Variants in PTGES3 observed in about 807,000 individuals in gnomAD.
The protein encoded by PTGES3 is prostaglandin E synthase 3, also known as Hsp90 co-chaperone.
In PTGES3, 5 loss-of-function variants were observed where a neutral mutation model predicts 29.9. The ratio of observed to expected loss-of-function variants is 0.17; its 90% confidence interval spans 0.09 to 0.35. The LOEUF (loss-of-function observed/expected upper bound fraction) is 0.35. Among genes scored for constraint, PTGES3 ranks in the 10% least tolerant of loss-of-function variants. The pLI is 1.00. For synonymous variants in PTGES3, 49 were observed against 57.8 expected, an observed-to-expected ratio of 0.85 and a Z score of 0.69; for missense variants, 128 against 190.0, an observed-to-expected ratio of 0.67 and a Z score of 1.92.
At chr12:56,674,716 C>T (rs1169001213) in intron 1 of PTGES3, among the ~76,000 whole-genome samples, 1 of 148,318 alleles carries the variant, frequency 6.7e-6, no homozygotes, top group African/African-American at 2.5e-5. Context: ...GTCCCAGCTA[C>T]TCGGGAGGCT....
chr12:56,675,521 CAAAAAAAA>C (rs58270146), intron 1 of PTGES3, among the ~76,000 whole-genome samples: 2 of 92,054 alleles, frequency 2.2e-5, no homozygotes, highest in African/African-American at 3.4e-5. Context: ...AGAATGAGAC[CAAAAAAAA>C]AAAAAAAAAA....
intron 5 of PTGES3, among the ~76,000 whole-genome samples, chr12:56,669,417 G>C (rs1166746416): frequency 6.6e-6 from 1 of 152,192 alleles, no homozygotes; most frequent in East Asian, 1.9e-4. Flanking sequence ...CTGAGTAGCT[G>C]AGATTACAGG....
chr12:56,665,831 T>A, intron 6 of PTGES3: 2 of 768,952 alleles, frequency 2.6e-6, no homozygotes, highest in Non-Finnish European at 3.2e-6. Context: ...GGTTTCACCA[T>A]GTTGGCCAGG....
intron 1 of PTGES3, among the ~76,000 whole-genome samples, chr12:56,674,686 CATG>C (rs1028416638): frequency 1.3e-5 from 2 of 151,508 alleles, no homozygotes. Flanking sequence ...ATTAGCCAGG[CATG>C]GTGGTAGGCG....
intron 1 of PTGES3, among the ~76,000 whole-genome samples, chr12:56,675,178 T>TA (rs1235798801): frequency 6.6e-6 from 1 of 151,778 alleles, no homozygotes; most frequent in South Asian, 2.1e-4. Flanking sequence ...CACGTACCTG[T>TA]AGTCCCAGCT....
rs1952981451 is a variant in PTGES3 at position 56,688,221 on chromosome 12, G to A, written c.-222C>T. ...TCCTCCGGTCGGGGAGAAGAGGAAA[G>A]TGTAGGAAAAGGGGCGCGAGGACGG... is the stretch of plus-strand genomic sequence containing the variant. On this transcript the variant is annotated 5_prime_UTR_variant, in exon 1 of 8. Coordinates refer to ENST00000262033, the MANE Select transcript of PTGES3 (RefSeq NM_006601.7). 3 of 791,866 alleles carry A rather than the reference G, an allele frequency of 3.8e-6. No homozygotes were observed. The highest frequency in any genetic ancestry group is 2.5e-5 in the South Asian group (1 of 39,934). 49.1% of individuals were successfully genotyped at this position (791,866 alleles called of 1,614,324 possible).
chr12:56,670,527 T>C (rs1469098817), intron 4 of PTGES3, 163 bp from the exon 5 acceptor site: 18 of 594,374 alleles, frequency 3.0e-5, no homozygotes, highest in Non-Finnish European at 4.8e-5. Context: ...TTGATCAATA[T>C]GTGAGTTTTG....
intron 1 of PTGES3, among the ~76,000 whole-genome samples, chr12:56,673,331 C>A (rs777939849): frequency 6.6e-6 from 1 of 151,840 alleles, no homozygotes; most frequent in South Asian, 2.1e-4. Context: ...CTAGTCCTAT[C>A]AAAAATTATG....
intron 4 of PTGES3, 53 bp from the exon 5 acceptor site, chr12:56,670,417 T>A: frequency 4.5e-6 from 6 of 1,334,178 alleles, no homozygotes; most frequent in Non-Finnish European, 6.5e-6. Flanking sequence ...GCATTTGGCA[T>A]GAACCTTAAG....
intron 4 of PTGES3, among the ~76,000 whole-genome samples, chr12:56,671,402 G>GA (rs1302123061): frequency 2.0e-5 from 3 of 151,490 alleles, no homozygotes; most frequent in African/African-American, 7.3e-5. Flanking sequence ...CTGTTTTGGG[G>GA]GAAAAAAAAC....
chr12:56,673,096 C>A, intron 1 of PTGES3, 31 bp from the exon 2 acceptor site: 3 of 1,469,622 alleles, frequency 2.0e-6, no homozygotes, highest in Non-Finnish European at 2.8e-6. Context: ...GAAAGTCAAG[C>A]TGGAATTCAT....
At chr12:56,685,617 G>A (rs1952802780) in intron 1 of PTGES3, among the ~76,000 whole-genome samples, 1 of 151,198 alleles carries the variant, frequency 6.6e-6, no homozygotes, top group Non-Finnish European at 1.5e-5. Flanking sequence ...AGCCAGGATG[G>A]TCTCGATCTC....
At chr12:56,686,597 G>C (rs1023043325) in intron 1 of PTGES3, among the ~76,000 whole-genome samples, 8 of 151,642 alleles carry the variant, frequency 5.3e-5, no homozygotes, top group African/African-American at 1.5e-4. Context: ...GTCTGGTCTC[G>C]AACTCCCGAC....
At chr12:56,675,093 A>G (rs1413185651) in intron 1 of PTGES3, among the ~76,000 whole-genome samples, 2 of 150,068 alleles carry the variant, frequency 1.3e-5, no homozygotes. Flanking sequence ...CGAGGTCAGG[A>G]GTTCGAGACC....
intron 1 of PTGES3, among the ~76,000 whole-genome samples, chr12:56,679,725 A>G (rs1952438583): frequency 6.6e-6 from 1 of 152,012 alleles, no homozygotes; most frequent in Non-Finnish European, 1.5e-5. Flanking sequence ...GACAGGCTGG[A>G]GAACGGTGGC....
intron 1 of PTGES3, among the ~76,000 whole-genome samples, chr12:56,681,512 T>G (rs1376939477): frequency 9.3e-6 from 1 of 107,376 alleles, no homozygotes. Flanking sequence ...CACTCCAGCC[T>G]GGGCAACAGA....
At chr12:56,666,368 C>CA in intron 5 of PTGES3, 102 bp from the exon 6 acceptor site, 1 of 1,338,338 alleles carries the variant, frequency 7.5e-7, no homozygotes, top group Non-Finnish European at 9.9e-7. Context: ...CCACAGATAT[C>CA]AAAAAATGCA....
At chr12:56,680,078 GTTTT>G (rs111760867) in intron 1 of PTGES3, among the ~76,000 whole-genome samples, 13 of 139,570 alleles carry the variant, frequency 9.3e-5, no homozygotes, top group Admixed American at 2.2e-4. Context: ...ATTGGTTTTG[GTTTT>G]TTTTTTTTTT....
intron 5 of PTGES3, among the ~76,000 whole-genome samples, chr12:56,668,894 G>C (rs188081708): frequency 6.6e-6 from 1 of 151,980 alleles, no homozygotes; most frequent in African/African-American, 2.4e-5. Context: ...TGCCTATATA[G>C]AGATGAATCA....
Sources: allele counts gnomAD v4.1 joint callset (sites outside exome capture counted in the v4.1 genomes callset), GRCh38; gene constraint gnomAD v4.1.1; transcripts MANE v1.5; gene names NCBI Gene and HGNC (gene_info 2026-07-23, HGNC 2026-07-21).